PCDHGA5: variants seen among roughly 807,000 people sequenced by gnomAD.
PCDHGA5 encodes protocadherin gamma subfamily A, 5.
A neutral mutation model predicts 56.7 loss-of-function variants in PCDHGA5; 36 were observed. The ratio of observed to expected loss-of-function variants is 0.64; its 90% CI spans 0.49 to 0.84. The LOEUF is 0.84. Ranked by LOEUF, PCDHGA5 falls within the 40% of genes least tolerant of loss-of-function variation. PCDHGA5 has a pLI of 0.00. For missense variants in PCDHGA5, 1,305 were observed against 1,201.5 expected (o/e 1.09, Z -1.27); for synonymous variants, 563 against 520.2 (o/e 1.08, Z -1.12).
chr5:141,460,848 C>T lies in PCDHGA5; in HGVS notation c.2422-33959C>T, dbSNP rs528601988. Among the ~76,000 whole-genome samples, 257 of 150,340 alleles carry T rather than the reference C, an allele frequency of 1.7e-3. 1 individual carries two copies. The highest frequency in any genetic ancestry group is 4.2e-3 in the Admixed American group (62 of 14,868). ...ACACTTAAAGTAATGGCCTCCAGTT[C>T]GATCCAAGTTGCTGCAAAGGACATT... is the stretch of plus-strand genomic sequence containing the variant. On this transcript the variant is annotated intron_variant, in intron 1 of 3. Transcript: ENST00000518069.
rs138542775 is a variant in PCDHGA5, at chr5:141,491,313, C to T, written c.2422-3494C>T. ...ACCCTCCTGAGCGTTCAGACCTTAC[C>T]CTTTACCTCATTGTGGCTCTAGCGA... On this transcript the variant is annotated intron_variant, in intron 1 of 3. Transcript: ENST00000518069. This position sits in a 1 kb window ranked among gnomAD's most constrained non-coding sequence, Gnocchi z 6.9. 405 of 1,614,154 alleles carry T rather than the reference C, an allele frequency of 2.5e-4. 2 individuals are homozygous for T. In the African/African-American group the frequency reaches 4.5e-3, roughly 18 times the overall value.
At chr5:141,433,123 C>T (rs575738328) in intron 1 of PCDHGA5, 5 of 1,614,116 alleles carry the variant, frequency 3.1e-6, no homozygotes, top group African/African-American at 2.7e-5. Context: ...TTGAAAAAAG[C>T]GAGCCCCTTT....
In PCDHGA5 at chr5:141,487,829, C is replaced by T. The variant is rs528435429; in HGVS notation, c.2422-6978C>T. On this transcript the variant is annotated intron_variant, in intron 1 of 3. Transcript: ENST00000518069. The surrounding 1 kb of genome is among the most constrained non-coding windows in gnomAD (Gnocchi z 5.0). ...GTTTAGCATTGGGGGCGGGTCATGC[C>T]TATATCTGAGTAAGAAATGAAAGTA... The T allele has an allele frequency of 1.1e-4, 125 of 1,182,994 alleles. No homozygotes were observed. In the Middle Eastern group the frequency reaches 3.7e-3, roughly 35 times the overall value. 73.3% of individuals were successfully genotyped at this position (1,182,994 alleles called of 1,614,324 possible).
Position 141,423,756 on chromosome 5 carries a change from G to GA in PCDHGA5, c.2421+57005_2421+57006insA. ...GCCTGTTATGAAAACTGTTTGGGGGGGGGGTGGGGCGGCATATATTTAGTT... is the reference window on the plus strand; with the variant it reads ...GCCTGTTATGAAAACTGTTTGGGGGGAGGGGTGGGGCGGCATATATTTAGTT... On this transcript the variant is annotated intron_variant, in intron 1 of 3. Transcript: ENST00000518069. 2 of 448,622 alleles carry GA rather than the reference G, an allele frequency of 4.5e-6. 1 individual carries two copies. The highest frequency in any genetic ancestry group is 6.1e-6 in the Non-Finnish European group (2 of 329,708). 27.8% of individuals were successfully genotyped at this position (448,622 alleles called of 1,614,324 possible). A position where few individuals can be genotyped will look rare whatever the true frequency, so the allele number is the denominator to read the frequency against.
chr5:141,377,024 G>A (rs944242934), intron 1 of PCDHGA5: 5 of 154,950 alleles, frequency 3.2e-5, no homozygotes, highest in African/African-American at 1.2e-4. Context: ...GAAAATTCAA[G>A]ATTGTCTTTG....
rs980944782 is a variant in PCDHGA5 at position 141,487,625 on chromosome 5, T to C, written c.2422-7182T>C. On this transcript the variant is annotated intron_variant, in intron 1 of 3. Coordinates refer to ENST00000518069, the MANE Select transcript of PCDHGA5 (RefSeq NM_018918.3). This position sits in a 1 kb window ranked among gnomAD's most constrained non-coding sequence, Gnocchi z 5.0. ...TCTCTATGGGCTAGAGGTGAGACCT[T>C]TGCAGGCTCAACAAATGCTTGAGGG... 4 of 1,614,090 alleles carry C rather than the reference T, an allele frequency of 2.5e-6. No homozygotes were observed. Among genetic ancestry groups the C allele is most frequent in the Admixed American group, 3.3e-5 (2 of 60,004 alleles).
intron 1 of PCDHGA5, among the ~76,000 whole-genome samples, chr5:141,448,434 G>A (rs2098588755): frequency 1.3e-5 from 2 of 152,052 alleles, no homozygotes; most frequent in Non-Finnish European, 2.9e-5. Context: ...TATATATTGA[G>A]AAGTCTGACT....
At chr5:141,465,747 A>G (rs2099108470) in intron 1 of PCDHGA5, among the ~76,000 whole-genome samples, 2 of 151,126 alleles carry the variant, frequency 1.3e-5, no homozygotes, top group African/African-American at 4.9e-5. Flanking sequence ...TCAGGATCAG[A>G]CTGGTAAAGT....
intron 1 of PCDHGA5, among the ~76,000 whole-genome samples, chr5:141,462,355 A>T (rs1592773702): frequency 6.6e-6 from 1 of 152,226 alleles, no homozygotes; most frequent in East Asian, 1.9e-4. Context: ...AAAAATATAC[A>T]TTGTATAGTT....
intron 1 of PCDHGA5, among the ~76,000 whole-genome samples, chr5:141,468,797 C>T (rs191599825): frequency 0.01 from 1,525 of 151,876 alleles, 28 homozygotes; most frequent in African/African-American, 0.035. Flanking sequence ...ACCCGGGAGG[C>T]GGAACTTGCA....
At chr5:141,510,828 C>T in intron 3 of PCDHGA5, 119 bp from the exon 4 acceptor site, 18 of 1,572,154 alleles carry the variant, frequency 1.1e-5, no homozygotes, top group Non-Finnish European at 1.6e-5. Context: ...ATTCCCAGTG[C>T]TCAGCGTGGT....
At chr5:141,409,069 A>G (rs886525915) in intron 1 of PCDHGA5, 5 of 1,614,008 alleles carry the variant, frequency 3.1e-6, no homozygotes, top group Non-Finnish European at 4.2e-6. Context: ...AGAGCACAAA[A>G]CATATGTTCT....
At chr5:141,393,592 G>T (rs200863279) in intron 1 of PCDHGA5, 1 of 1,613,908 alleles carries the variant, frequency 6.2e-7, no homozygotes, top group South Asian at 1.1e-5. Flanking sequence ...CCAGGCACGC[G>T]GCTGCTTACT....
At chr5:141,394,769 C>T in intron 1 of PCDHGA5, 1 of 1,613,514 alleles carries the variant, frequency 6.2e-7, no homozygotes, top group Non-Finnish European at 8.5e-7. Flanking sequence ...ATGGCCAGCC[C>T]CCTCTCTCCG....
At chr5:141,388,576 T>C (rs774429693) in intron 1 of PCDHGA5, 13 of 1,613,890 alleles carry the variant, frequency 8.1e-6, no homozygotes, top group South Asian at 3.3e-5. Context: ...ATACACGTTC[T>C]AGTGACTGAT....
intron 1 of PCDHGA5, chr5:141,423,750 TGG>T (rs144521096): frequency 3.2e-4 from 92 of 287,850 alleles, no homozygotes; most frequent in South Asian, 5.2e-4. Context: ...GAAAACTGTT[TGG>T]GGGGGGGGTG....
rs1386737349 is a variant in PCDHGA5 at position 141,486,423 on chromosome 5, C to T, written c.2422-8384C>T. The T allele has an allele frequency of 6.2e-7, 1 of 1,614,042 alleles. No individual in the cohort carries two copies. The highest frequency in any genetic ancestry group is 8.5e-7 in the Non-Finnish European group (1 of 1,180,030). ...ACTGCTGGACCCTTGGATCGAGAGG[C>T]CAAATCTAGCTATGACATCATGGTC... is the stretch of plus-strand genomic sequence containing the variant. On this transcript the variant is annotated intron_variant, in intron 1 of 3. Transcript: ENST00000518069. The surrounding 1 kb of genome is among the most constrained non-coding windows in gnomAD (Gnocchi z 5.0).
At chr5:141,387,848 C>T (rs746271589) in intron 1 of PCDHGA5, 1 of 1,597,460 alleles carries the variant, frequency 6.3e-7, no homozygotes, top group South Asian at 1.1e-5. Flanking sequence ...AACCCGGCGT[C>T]TCCAGGCTGG....
Position 141,366,099 on chromosome 5 carries a change from A to C in PCDHGA5, c.1769A>C (p.Lys590Thr). The C allele has an allele frequency of 6.2e-7, 1 of 1,614,210 alleles. No individual in the cohort carries two copies. The highest frequency in any genetic ancestry group is 8.5e-7 in the Non-Finnish European group (1 of 1,180,044). The change falls in exon 1 of 4, where the codon AAG becomes ACG. Residue 590 changes from lysine to threonine, a missense_variant. Lys to Thr is a moderately conservative substitution (Grantham distance 78). Coordinates refer to ENST00000518069, the MANE Select transcript of PCDHGA5 (RefSeq NM_018918.3). Reference sequence around the variant, plus strand: ...GCAGAACCTGGCTACCTGGTGACCAAGGTGGTAGCGGTGGACAAAGATTCA... The same window carrying C: ...GCAGAACCTGGCTACCTGGTGACCACGGTGGTAGCGGTGGACAAAGATTCA... ...RSAEPGYLVT[K>T]VVAVDKDSGQ...
Sources: gnomAD v4.1 joint callset for allele counts (sites outside exome capture counted in the v4.1 genomes callset) on GRCh38, gnomAD v4.1.1 for gene constraint, Gnocchi (gnomAD v3.1) non-coding constraint, MANE v1.5 for transcripts, NCBI Gene and HGNC (gene_info 2026-07-23, HGNC 2026-07-21) for gene names.